The following EFCAB7 variants were observed in gnomAD, a reference collection of about 807,000 sequenced individuals.
EFCAB7 encodes EF-hand calcium binding domain 7.
In EFCAB7, 66 loss-of-function variants were observed where a neutral mutation model predicts 77.1. The observed-to-expected ratio is 0.86, with a 90% confidence interval of 0.70 to 1.05. EFCAB7 has a LOEUF of 1.05. Among genes scored for constraint, EFCAB7 ranks in the 50% least tolerant of loss-of-function variants. The pLI, the probability that EFCAB7 is intolerant of heterozygous loss-of-function variation, is 0.00. For missense variants in EFCAB7, 638 were observed against 730.5 expected, an observed-to-expected ratio of 0.87 and a Z score of 1.46; for synonymous variants, 225 against 243.3, an observed-to-expected ratio of 0.92 and a Z score of 0.70.
At chr1:63,534,353 G>A in intron 6 of EFCAB7, 137 bp downstream of exon 6, 1 of 624,412 alleles carries the variant, frequency 1.6e-6, no homozygotes, top group East Asian at 2.9e-5. Context: ...ATTTCTACCT[G>A]TAAGCTAGTG....
chr1:63,538,705 C>T (rs1646793383), intron 6 of EFCAB7, among the ~76,000 whole-genome samples: 1 of 152,178 alleles, frequency 6.6e-6, no homozygotes, highest in Admixed American at 6.5e-5. Flanking sequence ...CCACCTCAGC[C>T]TCCCAAAGTG....
chr1:63,538,493 G>T (rs1306606672), intron 6 of EFCAB7, among the ~76,000 whole-genome samples: 2 of 147,514 alleles, frequency 1.4e-5, no homozygotes. Flanking sequence ...TCACTCTATT[G>T]CCCAGGCTGG....
chr1:63,541,995 G>C lies in EFCAB7; in HGVS notation c.805-3921G>C, dbSNP rs146904323. On this transcript the variant is annotated intron_variant, in intron 6 of 13. Transcript: ENST00000371088. ...TACTCATTTTTAGGTATACAGTTCT[G>C]TATCACTAAGTACATTCACACTGTT... 2.7e-3 allele frequency among the ~76,000 whole-genome samples: 408 copies of C among 152,172 alleles called. 1 individual carries two copies. The highest frequency in any genetic ancestry group is 4.9e-3 in the Non-Finnish European group (334 of 68,000).
chr1:63,532,098 T>A, intron 3 of EFCAB7, 67 bp downstream of exon 3: 1 of 1,153,918 alleles, frequency 8.7e-7, no homozygotes, highest in Non-Finnish European at 1.3e-6. Flanking sequence ...TAGCTTTGAC[T>A]ACCAAAGTCC....
intron 8 of EFCAB7, among the ~76,000 whole-genome samples, chr1:63,553,509 T>C (rs1646991566): frequency 6.6e-6 from 1 of 152,102 alleles, no homozygotes; most frequent in Non-Finnish European, 1.5e-5. Flanking sequence ...CCAGCTAATT[T>C]TTGTATTTTT....
intron 7 of EFCAB7, among the ~76,000 whole-genome samples, chr1:63,546,296 CTT>C (rs1646897526): frequency 6.6e-6 from 1 of 151,900 alleles, no homozygotes; most frequent in African/African-American, 2.4e-5. Context: ...TTTTTCCAAA[CTT>C]TTCTACAGCT....
At position 63,568,359 on chromosome 1, in the gene EFCAB7, T is replaced by G. The variant is rs780263051; in HGVS notation, c.1547T>G (p.Ile516Ser). ...TATGCAGAAAAATGCAAGCCAAAAATTAAAGCTGTCCATATGGAGGCATGT... is the reference window on the plus strand; with the variant it reads ...TATGCAGAAAAATGCAAGCCAAAAAGTAAAGCTGTCCATATGGAGGCATGT... Reference protein sequence around the residue: ...DIYAEKCKPKIKAVHMEACSG... With the variant: ...DIYAEKCKPKSKAVHMEACSG... Residue 516 changes from isoleucine to serine, a missense_variant, in exon 12 of 14, where the codon ATT becomes AGT. Physicochemically the swap from Ile to Ser is moderately radical, Grantham distance 142. Transcript: ENST00000371088. 13 of 1,602,224 alleles carry G rather than the reference T, an allele frequency of 8.1e-6. No homozygotes were observed. Among genetic ancestry groups the G allele is most frequent in the Non-Finnish European group, 1.1e-5 (13 of 1,176,390 alleles).
At chr1:63,546,500 G>A (rs1165236039) in intron 7 of EFCAB7, among the ~76,000 whole-genome samples, 1 of 151,830 alleles carries the variant, frequency 6.6e-6, no homozygotes, top group Non-Finnish European at 1.5e-5. Flanking sequence ...CGAGTAGCTG[G>A]GACTACAGGT....
At chr1:63,527,932 A>C (rs906305717) in intron 2 of EFCAB7, 1 of 152,192 alleles carries the variant, frequency 6.6e-6, no homozygotes, top group Non-Finnish European at 1.5e-5. Flanking sequence ...TGGACTTCAA[A>C]TGCTGGCAAG....
chr1:63,572,723 C>T, downstream of EFCAB7: 1 of 889,062 alleles, frequency 1.1e-6, no homozygotes. Context: ...AGTAGGAAAT[C>T]TTTTTCTTTT....
chr1:63,534,688 A>G (rs1180365515), intron 6 of EFCAB7, among the ~76,000 whole-genome samples: 1 of 152,126 alleles, frequency 6.6e-6, no homozygotes, highest in African/African-American at 2.4e-5. Context: ...TAATAGTTAC[A>G]GAAATATAAA....
intron 10 of EFCAB7, 104 bp downstream of exon 10, chr1:63,557,351 A>G: frequency 9.0e-7 from 1 of 1,114,050 alleles, no homozygotes; most frequent in Non-Finnish European, 1.2e-6. Context: ...ATATTATTAT[A>G]GCATTTAGGA....
intron 11 of EFCAB7, among the ~76,000 whole-genome samples, chr1:63,562,395 C>T (rs535914395): frequency 7.4e-6 from 1 of 134,848 alleles, no homozygotes; most frequent in Non-Finnish European, 1.5e-5. Flanking sequence ...GAACAGGGCT[C>T]GTAATAAACC....
At chr1:63,583,326 A>G in the EFCAB7 span, among the ~76,000 whole-genome samples, 1 of 152,202 alleles carries the variant, frequency 6.6e-6, no homozygotes, top group Admixed American at 6.5e-5. Context: ...AAGGGAAAAG[A>G]TAAACACCAG....
At chr1:63,535,977 C>T (rs901389354) in intron 6 of EFCAB7, among the ~76,000 whole-genome samples, 5 of 151,838 alleles carry the variant, frequency 3.3e-5, no homozygotes, top group Non-Finnish European at 5.9e-5. Flanking sequence ...TAATGTAATA[C>T]GATAGGGGCA....
chr1:63,562,449 T>TTATTTATATATATA (rs1393426376), intron 11 of EFCAB7, among the ~76,000 whole-genome samples: 2 of 22,468 alleles, frequency 8.9e-5, no homozygotes, highest in Non-Finnish European at 1.5e-4. Context: ...CTTAATTTAT[T>TTATTTATATATATA]TATATATATA....
chr1:63,534,786 A>G (rs1366717656), intron 6 of EFCAB7, among the ~76,000 whole-genome samples: 1 of 152,132 alleles, frequency 6.6e-6, no homozygotes, highest in African/African-American at 2.4e-5. Flanking sequence ...ACCACATACT[A>G]TAACTGCTGT....
the EFCAB7 span, among the ~76,000 whole-genome samples, chr1:63,582,385 GA>G: frequency 6.6e-6 from 1 of 152,144 alleles, no homozygotes; most frequent in Non-Finnish European, 1.5e-5. Flanking sequence ...GATAAATTAA[GA>G]AAACATAAGG....
chr1:63,552,174 C>T (rs978024190), intron 8 of EFCAB7, among the ~76,000 whole-genome samples: 2 of 151,924 alleles, frequency 1.3e-5, no homozygotes, highest in Non-Finnish European at 2.9e-5. Context: ...ATTCTATGAT[C>T]TTACCTGTGA....
Sources: allele counts gnomAD v4.1 joint callset (sites outside exome capture counted in the v4.1 genomes callset), GRCh38; gene constraint gnomAD v4.1.1; transcripts MANE v1.5; gene names NCBI Gene and HGNC (gene_info 2026-07-23, HGNC 2026-07-21).